The following PTPRN2 variants were observed in gnomAD, a reference collection of about 807,000 sequenced individuals.
The protein encoded by PTPRN2 is protein tyrosine phosphatase receptor type N2.
In PTPRN2, 74 loss-of-function variants were observed where a neutral mutation model predicts 118.8. That is an observed-to-expected ratio of 0.62 (90% CI 0.52 to 0.76). PTPRN2 has a LOEUF of 0.76. PTPRN2 is among the 30% of genes least tolerant of loss of function. PTPRN2 has a pLI of 0.00. For synonymous variants in PTPRN2, 641 were observed against 608.0 expected (o/e 1.05, Z -0.80); for missense variants, 1,481 against 1,394.4 (o/e 1.06, Z -0.99).
chr7:158,205,349 AGT>A (rs1311788640), intron 3 of PTPRN2, 76 bp from the exon 4 acceptor site: 3 of 1,084,886 alleles, frequency 2.8e-6, no homozygotes, highest in East Asian at 4.9e-5. Context: ...TCTCACAATT[AGT>A]TGCATTTCAG....
chr7:158,440,712 AGTG>A (rs1476773940), intron 2 of PTPRN2, among the ~76,000 whole-genome samples: 2 of 138,056 alleles, frequency 1.4e-5, no homozygotes, highest in African/African-American at 2.8e-5. Flanking sequence ...GGTGGATAGT[AGTG>A]GTGAAGGTGG....
At chr7:158,153,129 C>T (rs572255449) in intron 6 of PTPRN2, among the ~76,000 whole-genome samples, 14 of 152,292 alleles carry the variant, frequency 9.2e-5, no homozygotes, top group African/African-American at 1.9e-4. Flanking sequence ...ACCAGCGGAA[C>T]GATGCCGAGT....
chr7:158,140,358 G>T (rs916913166), intron 6 of PTPRN2, among the ~76,000 whole-genome samples: 1 of 152,198 alleles, frequency 6.6e-6, no homozygotes, highest in African/African-American at 2.4e-5. Context: ...GGACTCGTAA[G>T]TATTTACCCG....
intron 2 of PTPRN2, among the ~76,000 whole-genome samples, chr7:158,356,016 T>C (rs1808360548): frequency 6.6e-6 from 1 of 152,204 alleles, no homozygotes; most frequent in Non-Finnish European, 1.5e-5. Flanking sequence ...TCAAAGCTTT[T>C]TTATTATTAT....
At chr7:158,373,751 G>A (rs1479689022) in intron 2 of PTPRN2, among the ~76,000 whole-genome samples, 1 of 152,230 alleles carries the variant, frequency 6.6e-6, no homozygotes, top group African/African-American at 2.4e-5. Context: ...CAAATAAATA[G>A]CAACTGTTTC....
chr7:158,168,270 G>A (rs1290832813), intron 5 of PTPRN2, among the ~76,000 whole-genome samples: 2 of 152,208 alleles, frequency 1.3e-5, no homozygotes, highest in African/African-American at 2.4e-5. Context: ...CTCCAACTCA[G>A]CTTTAACTAA....
chr7:157,660,188 A>G (rs1359531319), intron 13 of PTPRN2, among the ~76,000 whole-genome samples: 2 of 152,224 alleles, frequency 1.3e-5, no homozygotes, highest in Non-Finnish European at 2.9e-5. Flanking sequence ...GAGAACAGCT[A>G]CAGCTCAGGG....
chr7:157,875,583 CTCTT>C (rs1438415565), intron 12 of PTPRN2, among the ~76,000 whole-genome samples: 1 of 152,234 alleles, frequency 6.6e-6, no homozygotes, highest in African/African-American at 2.4e-5. Flanking sequence ...TCCAAGGTGT[CTCTT>C]TCTCCATCTC....
chr7:158,034,749 A>G (rs1315555108), intron 11 of PTPRN2, among the ~76,000 whole-genome samples: 6 of 152,178 alleles, frequency 3.9e-5, no homozygotes, highest in African/African-American at 1.4e-4. Context: ...CAGTCCCCCA[A>G]ACACAACAGG....
At chr7:157,766,668 T>C (rs1175368727) in intron 12 of PTPRN2, among the ~76,000 whole-genome samples, 1 of 152,230 alleles carries the variant, frequency 6.6e-6, no homozygotes, top group African/African-American at 2.4e-5. Context: ...CCCCAGTTTA[T>C]GGAGGAGACA....
intron 12 of PTPRN2, among the ~76,000 whole-genome samples, chr7:157,788,633 A>AGCTCCCAGGCATGCAGCCCT (rs1244048575): frequency 6.6e-6 from 1 of 152,218 alleles, no homozygotes; most frequent in East Asian, 1.9e-4. Context: ...CATGGAGCCC[A>AGCTCCCAGGCATGCAGCCCT]GCTCCCAGGC....
intron 11 of PTPRN2, among the ~76,000 whole-genome samples, chr7:158,059,656 C>T (rs865900763): frequency 2.1e-3 from 179 of 85,974 alleles, no homozygotes; most frequent in Non-Finnish European, 3.1e-3. Context: ...CCCACGGTGA[C>T]GCATCACTGC....
chr7:158,284,176 A>T (rs1273949141), intron 3 of PTPRN2, among the ~76,000 whole-genome samples: 3 of 152,224 alleles, frequency 2.0e-5, no homozygotes, highest in Non-Finnish European at 2.9e-5. Context: ...GGTGCAATCC[A>T]AGTGTGCACC....
At chr7:158,398,190 T>C (rs574540127) in intron 2 of PTPRN2, among the ~76,000 whole-genome samples, 29 of 152,374 alleles carry the variant, frequency 1.9e-4, no homozygotes, top group African/African-American at 6.5e-4. Context: ...AATTACATCA[T>C]GCACAAAGTG....
intron 10 of PTPRN2, among the ~76,000 whole-genome samples, chr7:158,101,904 C>G (rs1302385350): frequency 6.6e-6 from 1 of 152,168 alleles, no homozygotes; most frequent in East Asian, 1.9e-4. Flanking sequence ...CAGAGATGGC[C>G]AAAGCAGTGA....
chr7:157,744,864 G>C (rs1008406124), intron 12 of PTPRN2, among the ~76,000 whole-genome samples: 2 of 152,122 alleles, frequency 1.3e-5, no homozygotes, highest in Non-Finnish European at 2.9e-5. Flanking sequence ...CAAACGACTC[G>C]GGGCTTCCCT....
rs144413100 is a variant in PTPRN2 at position 157,593,536 on chromosome 7, A to G, written c.2496+1702T>C. On this transcript the variant is annotated intron_variant, in intron 17 of 22. Transcript: ENST00000389418. ...ATGGGTTGAGGTGGATGAAAACTCCAGTGGTATTAGGACTCCGTGGGTATT... is the reference window on the plus strand; with the variant it reads ...ATGGGTTGAGGTGGATGAAAACTCCGGTGGTATTAGGACTCCGTGGGTATT... 2.6e-3 allele frequency among the ~76,000 whole-genome samples: 403 copies of G among 152,346 alleles called. 3 individuals carry two copies. The highest frequency in any genetic ancestry group is 9.2e-3 in the African/African-American group (383 of 41,592).
chr7:157,610,550 G>C lies in PTPRN2; in HGVS notation c.2345-6475C>G, dbSNP rs1017407881. Among the ~76,000 whole-genome samples, 76 of 152,324 alleles carry C rather than the reference G, an allele frequency of 5.0e-4. 1 individual carries two copies. Among genetic ancestry groups the C allele is most frequent in the African/African-American group, 1.4e-3 (57 of 41,568 alleles). On this transcript the variant is annotated intron_variant, in intron 15 of 22. Transcript: ENST00000389418. This position sits in a 1 kb window ranked among gnomAD's most constrained non-coding sequence, Gnocchi z 5.1. ...TGGTGTCCATCGAGGTCTGAGGGCT[G>C]CAAAGGCACATCCCGGGGCTGCTGG...
At chr7:158,514,886 G>A (rs1419870264) in intron 1 of PTPRN2, among the ~76,000 whole-genome samples, 1 of 152,180 alleles carries the variant, frequency 6.6e-6, no homozygotes, top group East Asian at 1.9e-4. Flanking sequence ...TGGCACGTGT[G>A]TGGTTTGCTG....
Sources: allele counts gnomAD v4.1 joint callset (sites outside exome capture counted in the v4.1 genomes callset), GRCh38; gene constraint gnomAD v4.1.1; non-coding constraint Gnocchi (gnomAD v3.1); transcripts MANE v1.5; gene names NCBI Gene and HGNC (gene_info 2026-07-23, HGNC 2026-07-21).